The following RGP1 variants were observed in gnomAD, a reference collection of about 807,000 sequenced individuals.
RGP1 encodes RGP1 partner of RAB6A GEF complex, also known as RAB6A-GEF complex partner protein 2.
Under a neutral mutation model 44.5 loss-of-function variants are expected in RGP1, and 28 were observed. The observed-to-expected ratio is 0.63, with a 90% confidence interval of 0.47 to 0.86. RGP1 has a LOEUF of 0.86. Among genes scored for constraint, RGP1 ranks in the 40% least tolerant of loss-of-function variants. The pLI is 0.00. For synonymous variants in RGP1, 212 were observed against 196.7 expected, an observed-to-expected ratio of 1.08 and a Z score of -0.65; for missense variants, 417 against 490.7, an observed-to-expected ratio of 0.85 and a Z score of 1.42.
At chr9:35,750,588 C>A in intron 3 of RGP1, 70 bp from the exon 4 acceptor site, 1 of 1,528,958 alleles carries the variant, frequency 6.5e-7, no homozygotes, top group Non-Finnish European at 9.0e-7. Context: ...TCACTATCTC[C>A]ACTTGCCGTG....
At chr9:35,774,690 T>C in the RGP1 span, among the ~76,000 whole-genome samples, 37 of 152,190 alleles carry the variant, frequency 2.4e-4, no homozygotes, top group Middle Eastern at 3.4e-3. Flanking sequence ...TGCCGCTGCA[T>C]TCCATCCTGG....
chr9:35,775,420 T>C, the RGP1 span, among the ~76,000 whole-genome samples: 1 of 152,110 alleles, frequency 6.6e-6, no homozygotes, highest in Admixed American at 6.6e-5. Context: ...GGGCCTGTTC[T>C]AGGGAAGCTG....
the RGP1 span, among the ~76,000 whole-genome samples, chr9:35,778,316 C>T: frequency 6.6e-6 from 1 of 152,096 alleles, no homozygotes; most frequent in Non-Finnish European, 1.5e-5. Context: ...AAAAGGTATA[C>T]AAAATGATAG....
the RGP1 span, among the ~76,000 whole-genome samples, chr9:35,775,028 G>A: frequency 6.6e-6 from 1 of 152,126 alleles, no homozygotes; most frequent in African/African-American, 2.4e-5. Context: ...GTTCCTTTGG[G>A]AGAAAAGGGA....
Position 35,749,959 on chromosome 9 carries a change from A to G in RGP1, c.116+88A>G. On this transcript the variant is annotated intron_variant, in intron 2 of 8. Coordinates refer to ENST00000378078, the MANE Select transcript of RGP1 (RefSeq NM_001080496.3). The surrounding 1 kb of genome is among the most constrained non-coding windows in gnomAD (Gnocchi z 4.4). ...TGAGGCAGAGCTCAGGTTGTCCTGT[A>G]GCGACACCACCTCCTCTTGCTCACT... is the stretch of plus-strand genomic sequence containing the variant. 1 of 1,047,730 alleles carries G rather than the reference A, an allele frequency of 9.5e-7. No homozygotes were observed. 64.9% of individuals were successfully genotyped at this position (1,047,730 alleles called of 1,614,324 possible).
rs1166947201 is a variant in RGP1, at chr9:35,749,417, C to A, written c.-20+9C>A. ...AGTGTCGACTATGCGAGGTGACTAGCGGCGGTGATCTTGGGCTGGGACGTG... is the reference window on the plus strand; with the variant it reads ...AGTGTCGACTATGCGAGGTGACTAGAGGCGGTGATCTTGGGCTGGGACGTG... On this transcript the variant is annotated intron_variant, in intron 1 of 8. Coordinates refer to ENST00000378078, the MANE Select transcript of RGP1 (RefSeq NM_001080496.3). The surrounding 1 kb of genome is among the most constrained non-coding windows in gnomAD (Gnocchi z 4.4). The A allele has an allele frequency of 1.8e-6, 1 of 568,154 alleles. No homozygotes were observed. The highest frequency in any genetic ancestry group is 1.9e-5 in the African/African-American group (1 of 53,326). 35.2% of individuals were successfully genotyped at this position (568,154 alleles called of 1,614,324 possible).
At chr9:35,776,209 C>A in the RGP1 span, among the ~76,000 whole-genome samples, 6 of 152,086 alleles carry the variant, frequency 3.9e-5, no homozygotes, top group African/African-American at 1.4e-4. Context: ...GTGTTTAGGA[C>A]AATGACGACT....
rs200332631 is a variant in RGP1, at chr9:35,753,236, T to C, written c.*362T>C. ...GGAGAACTGGCAGGTTCCTGCCTCC[T>C]GACGTACCTCACACCCAGCCGGGAA... On this transcript the variant is annotated 3_prime_UTR_variant, in exon 9 of 9. Transcript: ENST00000378078. This position sits in a 1 kb window ranked among gnomAD's most constrained non-coding sequence, Gnocchi z 4.2. 3 of 1,614,150 alleles carry C rather than the reference T, an allele frequency of 1.9e-6. No individual in the cohort carries two copies. Among genetic ancestry groups the C allele is most frequent in the Admixed American group, 1.7e-5 (1 of 60,030 alleles).
the RGP1 span, among the ~76,000 whole-genome samples, chr9:35,774,678 T>G: frequency 6.6e-6 from 1 of 152,080 alleles, no homozygotes; most frequent in South Asian, 2.1e-4. Context: ...GAGCCGAGAT[T>G]GTGCCGCTGC....
chr9:35,765,840 T>C, the RGP1 span, among the ~76,000 whole-genome samples: 3 of 151,072 alleles, frequency 2.0e-5, no homozygotes, highest in African/African-American at 4.9e-5. Flanking sequence ...TCTTTCTTTT[T>C]TTTTTTTTTT....
chr9:35,764,987 G>A, the RGP1 span, among the ~76,000 whole-genome samples: 5 of 152,170 alleles, frequency 3.3e-5, no homozygotes, highest in South Asian at 4.2e-4. Flanking sequence ...CTAGCCAGGC[G>A]TGGTGGTGCA....
At chr9:35,789,473 G>A in the RGP1 span, among the ~76,000 whole-genome samples, 5 of 151,696 alleles carry the variant, frequency 3.3e-5, no homozygotes, top group Non-Finnish European at 7.4e-5. Flanking sequence ...TGATTTGTTT[G>A]GTTTTTAATA....
rs1009879095 is a variant in RGP1, at chr9:35,757,874, A to G, written c.*5000A>G. On this transcript the variant is annotated 3_prime_UTR_variant, in exon 9 of 9. Transcript: ENST00000378078. ...TTTTATAGTCATTTAAAATTGTATG[A>G]CTCTGTCAAATGATTTAAGTAATTT... 2 of 152,248 alleles carry G rather than the reference A, an allele frequency of 1.3e-5. No homozygotes were observed. The highest frequency in any genetic ancestry group is 1.3e-4 in the Admixed American group (2 of 15,294). The allele number at this position is 152,248 out of a possible 1,614,324, so 9.4% of individuals were successfully genotyped here. A position where few individuals can be genotyped will look rare whatever the true frequency, so the allele number is the denominator to read the frequency against.
intron 7 of RGP1, 92 bp from the exon 8 acceptor site, chr9:35,751,864 C>A: frequency 1.9e-6 from 3 of 1,570,588 alleles, no homozygotes; most frequent in East Asian, 2.2e-5. Context: ...TGGGGTCATC[C>A]AGGGTCCCTT....
At chr9:35,751,589 A>T in intron 6 of RGP1, 38 bp from the exon 7 acceptor site, 1 of 1,613,570 alleles carries the variant, frequency 6.2e-7, no homozygotes, top group African/African-American at 1.3e-5. Context: ...GTTATCCAGT[A>T]TGTAGACTCC....
At position 35,752,129 on chromosome 9, in the gene RGP1, C is replaced by CTT; in HGVS notation, c.937_938dup (p.Cys314SerfsTer8). 1 of 1,571,644 alleles carries CTT rather than the reference C, an allele frequency of 6.4e-7. No individual in the cohort carries two copies. The highest frequency in any genetic ancestry group is 8.6e-7 in the Non-Finnish European group (1 of 1,160,196). ...CAATCCCTCTCAGCTCCACCCCAGG[C>CTT]TTCTGTACAGCCATTGGTGAGACCC... On this transcript the variant is annotated frameshift_variant, in exon 8 of 9. Coordinates refer to ENST00000378078, the MANE Select transcript of RGP1 (RefSeq NM_001080496.3). LOFTEE classifies it high-confidence loss of function.
At chr9:35,772,620 C>T in the RGP1 span, among the ~76,000 whole-genome samples, 11 of 151,932 alleles carry the variant, frequency 7.2e-5, no homozygotes, top group African/African-American at 2.7e-4. Flanking sequence ...GGTGAAACCC[C>T]ATCTCCTAAA....
the RGP1 span, among the ~76,000 whole-genome samples, chr9:35,774,641 G>A: frequency 1.3e-5 from 2 of 152,132 alleles, no homozygotes; most frequent in African/African-American, 4.8e-5. Flanking sequence ...GGAGAGTGGC[G>A]TGAACCCGGG....
At chr9:35,767,208 A>G in the RGP1 span, among the ~76,000 whole-genome samples, 1 of 151,638 alleles carries the variant, frequency 6.6e-6, no homozygotes, top group African/African-American at 2.4e-5. Context: ...ATCATATCAA[A>G]TGATCTCATG....
Sources: allele counts gnomAD v4.1 joint callset (sites outside exome capture counted in the v4.1 genomes callset), GRCh38; gene constraint gnomAD v4.1.1; non-coding constraint Gnocchi (gnomAD v3.1); transcripts MANE v1.5; gene names NCBI Gene and HGNC (gene_info 2026-07-23, HGNC 2026-07-21).